The following SLIT2 variants were observed in gnomAD, a reference collection of about 807,000 sequenced individuals.
SLIT2 encodes slit guidance ligand 2.
In SLIT2, 41 loss-of-function variants were observed where a neutral mutation model predicts 185.7. That is an observed-to-expected ratio of 0.22 (90% confidence interval 0.17 to 0.29). The LOEUF (loss-of-function observed/expected upper bound fraction) is 0.29. Among genes scored for constraint, SLIT2 ranks in the 10% least tolerant of loss-of-function variants. The pLI is 1.00. For missense variants in SLIT2, 1,571 were observed against 1,909.0 expected (o/e 0.82, Z 3.30); for synonymous variants, 693 against 680.2 (o/e 1.02, Z -0.29).
intron 26 of SLIT2, among the ~76,000 whole-genome samples, chr4:20,559,318 G>C (rs1724508144): frequency 6.6e-6 from 1 of 151,952 alleles, no homozygotes; most frequent in Admixed American, 6.6e-5. Context: ...TTGGCAAGCA[G>C]AGTAGACATT....
At chr4:20,584,947 C>T (rs1726923877) in intron 29 of SLIT2, among the ~76,000 whole-genome samples, 2 of 151,988 alleles carry the variant, frequency 1.3e-5, no homozygotes, top group Admixed American at 1.3e-4. Flanking sequence ...CCCAGCTACT[C>T]AGGAGGCTGA....
At chr4:20,342,057 G>T (rs988696453) in intron 4 of SLIT2, among the ~76,000 whole-genome samples, 3 of 152,270 alleles carry the variant, frequency 2.0e-5, no homozygotes, top group East Asian at 1.9e-4. Context: ...TCAGTTCAGT[G>T]AGTTGAATTC....
intron 5 of SLIT2, among the ~76,000 whole-genome samples, chr4:20,476,621 C>A (rs1263459793): frequency 2.0e-5 from 3 of 152,000 alleles, no homozygotes; most frequent in Non-Finnish European, 2.9e-5. Context: ...ACCAAAAAAA[C>A]CTATTAGTTA....
rs951328006 is a variant in SLIT2 at position 20,254,347 on chromosome 4, A to G, written c.179+353A>G. Among the ~76,000 whole-genome samples the G allele has an allele frequency of 1.6e-4, 24 of 152,242 alleles. No individual in the cohort carries two copies. Among genetic ancestry groups the G allele is most frequent in the African/African-American group, 5.8e-4 (24 of 41,562 alleles). On this transcript the variant is annotated intron_variant, in intron 1 of 36. Transcript: ENST00000504154. This position sits in a 1 kb window ranked among gnomAD's most constrained non-coding sequence, Gnocchi z 5.1. ...GCCACTTTGTTCTCCAGAGTCCATA[A>G]ACGGAGTCACCTTGCGATTGCCAGC...
rs1217660584 is a variant in SLIT2, at chr4:20,542,714, A to G, written c.2276+88A>G. On this transcript the variant is annotated intron_variant, in intron 21 of 36. Transcript: ENST00000504154. ...AGAGGAATGGACAAAAATCTTTACAATCTTCTTTACAAATCATATTCTAAG... is the reference window on the plus strand; with the variant it reads ...AGAGGAATGGACAAAAATCTTTACAGTCTTCTTTACAAATCATATTCTAAG... The G allele has an allele frequency of 1.9e-5, 26 of 1,345,650 alleles. No homozygotes were observed. The East Asian group carries it at 5.6e-4, about 29-fold the overall frequency. 83.4% of individuals were successfully genotyped at this position (1,345,650 alleles called of 1,614,324 possible).
intron 4 of SLIT2, among the ~76,000 whole-genome samples, chr4:20,343,991 C>T (rs1266591739): frequency 6.6e-6 from 1 of 151,998 alleles, no homozygotes; most frequent in Non-Finnish European, 1.5e-5. Context: ...ACTGGGACTA[C>T]AGATGTGCAC....
At chr4:20,371,064 C>T (rs1481654449) in intron 4 of SLIT2, among the ~76,000 whole-genome samples, 1 of 151,992 alleles carries the variant, frequency 6.6e-6, no homozygotes, top group Non-Finnish European at 1.5e-5. Context: ...CTTATTTCTT[C>T]CTATCTCTAG....
At chr4:20,281,470 T>A (rs796535291) in intron 4 of SLIT2, among the ~76,000 whole-genome samples, 58 of 152,276 alleles carry the variant, frequency 3.8e-4, no homozygotes, top group African/African-American at 1.3e-3. Flanking sequence ...TTCCTGACTT[T>A]TTGAGGAGAA....
At chr4:20,516,961 T>C (rs558153115) in intron 11 of SLIT2, among the ~76,000 whole-genome samples, 2 of 152,322 alleles carry the variant, frequency 1.3e-5, no homozygotes, top group East Asian at 3.9e-4. Flanking sequence ...AAAGCAGTGA[T>C]TTATTGAAAA....
intron 34 of SLIT2, among the ~76,000 whole-genome samples, chr4:20,611,386 G>A (rs1456601091): frequency 6.6e-6 from 1 of 152,140 alleles, no homozygotes; most frequent in Non-Finnish European, 1.5e-5. Context: ...TATTTATTGA[G>A]TACTTACCAC....
rs1490399068 is a variant in SLIT2 at position 20,510,552 on chromosome 4, A to T, written c.972A>T (p.Lys324Asn). 2 of 1,604,656 alleles carry T rather than the reference A, an allele frequency of 1.2e-6. No individual in the cohort carries two copies. Among genetic ancestry groups the T allele is most frequent in the Non-Finnish European group, 1.7e-6 (2 of 1,171,970 alleles). ...CTCCTGGAGCTTTCTCACCATATAA[A>T]AAGCTTAGACGAATGTGAGTGAACA... ...VIPPGAFSPY[K>N]KLRRIDLSNN... The change falls in exon 10 of 37, where the codon AAA becomes AAT. Residue 324 changes from lysine to asparagine, a missense_variant. By Grantham distance (94) the Lys-to-Asn change is moderately conservative. Around this residue, in one of 3 missense-constraint regions of SLIT2, gnomAD observed 1,202 missense variants for 1,416.4 expected, o/e 0.85. Transcript: ENST00000504154.
At chr4:20,316,211 T>C (rs1274612173) in intron 4 of SLIT2, among the ~76,000 whole-genome samples, 2 of 152,094 alleles carry the variant, frequency 1.3e-5, no homozygotes, top group African/African-American at 4.8e-5. Context: ...ACAAGGAGTT[T>C]ACACTTCTGC....
At chr4:20,460,515 A>T (rs1414874707) in intron 4 of SLIT2, among the ~76,000 whole-genome samples, 1 of 152,180 alleles carries the variant, frequency 6.6e-6, no homozygotes, top group Non-Finnish European at 1.5e-5. Context: ...GTTTGTCAGG[A>T]ATATGATATA....
chr4:20,493,191 G>C (rs897248810), intron 9 of SLIT2, among the ~76,000 whole-genome samples: 1 of 152,088 alleles, frequency 6.6e-6, no homozygotes, highest in Non-Finnish European at 1.5e-5. Context: ...TTGAGAGATT[G>C]TAGTTGAACC....
chr4:20,602,127 G>A (rs1396038970), intron 33 of SLIT2, among the ~76,000 whole-genome samples: 1 of 152,114 alleles, frequency 6.6e-6, no homozygotes, highest in African/African-American at 2.4e-5. Context: ...ACATAAATCA[G>A]TATGAAGACA....
chr4:20,393,667 A>T (rs1725635417), intron 4 of SLIT2: 1 of 152,078 alleles, frequency 6.6e-6, no homozygotes, highest in Admixed American at 6.6e-5. Flanking sequence ...CCTGTAAGTT[A>T]TGAGCTTTCC....
At chr4:20,424,544 A>G (rs1360066116) in intron 4 of SLIT2, among the ~76,000 whole-genome samples, 1 of 152,024 alleles carries the variant, frequency 6.6e-6, no homozygotes, top group Admixed American at 6.6e-5. Context: ...GTCATTTTCT[A>G]TTTGTCGTCT....
intron 15 of SLIT2, among the ~76,000 whole-genome samples, chr4:20,526,936 A>G (rs1721349888): frequency 6.6e-6 from 1 of 152,186 alleles, no homozygotes; most frequent in Non-Finnish European, 1.5e-5. Flanking sequence ...TGTCACTTAG[A>G]CTTTGTGCAC....
chr4:20,526,288 C>T (rs1318479358), intron 15 of SLIT2, among the ~76,000 whole-genome samples: 7 of 152,044 alleles, frequency 4.6e-5, no homozygotes, highest in African/African-American at 1.4e-4. Context: ...TTATTTTGAG[C>T]TTGAATGATC....
Sources: gnomAD v4.1 joint callset for allele counts (sites outside exome capture counted in the v4.1 genomes callset) on GRCh38, gnomAD v4.1.1 for gene constraint, gnomAD v4.1.1 regional missense constraint, Gnocchi (gnomAD v3.1) non-coding constraint, MANE v1.5 for transcripts, NCBI Gene and HGNC (gene_info 2026-07-23, HGNC 2026-07-21) for gene names.